Variants in NDUFS4 observed in about 807,000 individuals in gnomAD.
NDUFS4 encodes the protein NADH:ubiquinone oxidoreductase subunit S4.
In NDUFS4, 28 loss-of-function variants were observed where a neutral mutation model predicts 24.3. That is an observed-to-expected ratio of 1.15 (90% CI 0.85 to 1.58). NDUFS4 has a LOEUF of 1.58. Ranked by LOEUF, NDUFS4 falls within the 40% of genes most tolerant of loss-of-function variation. NDUFS4 has a pLI of 0.00. For synonymous variants in NDUFS4, 93 were observed against 69.7 expected (o/e 1.34, Z -1.67); for missense variants, 223 against 207.9 (o/e 1.07, Z -0.45).
intron 4 of NDUFS4, among the ~76,000 whole-genome samples, chr5:53,680,031 A>G (rs994508278): frequency 2.0e-5 from 3 of 152,208 alleles, no homozygotes; most frequent in African/African-American, 7.2e-5. Context: ...TGAAATAGAT[A>G]AAACTTGCAA....
intron 2 of NDUFS4, 74 bp from the exon 3 acceptor site, chr5:53,646,159 T>C (rs1476499787): frequency 5.6e-6 from 7 of 1,242,770 alleles, no homozygotes; most frequent in Non-Finnish European, 8.1e-6. Context: ...TGCATGAATA[T>C]AGGAAACAAC....
At chr5:53,640,177 G>A (rs944779940) in intron 2 of NDUFS4, among the ~76,000 whole-genome samples, 5 of 152,060 alleles carry the variant, frequency 3.3e-5, no homozygotes, top group African/African-American at 1.2e-4. Flanking sequence ...TTACTGAGGG[G>A]CTGAAGTGGA....
chr5:53,596,425 C>A (rs993267681), intron 1 of NDUFS4, among the ~76,000 whole-genome samples: 2 of 151,994 alleles, frequency 1.3e-5, no homozygotes, highest in Non-Finnish European at 2.9e-5. Flanking sequence ...AAAGCCATAT[C>A]CTGTGTCAAA....
chr5:53,642,283 C>T (rs1234206081), intron 2 of NDUFS4, among the ~76,000 whole-genome samples: 3 of 152,126 alleles, frequency 2.0e-5, no homozygotes, highest in Non-Finnish European at 4.4e-5. Context: ...AGCTGCACTC[C>T]TTCAGTGTTG....
intron 1 of NDUFS4, among the ~76,000 whole-genome samples, chr5:53,573,983 T>C (rs1447257787): frequency 6.6e-6 from 1 of 152,234 alleles, no homozygotes; most frequent in Non-Finnish European, 1.5e-5. Context: ...GCCACATTTA[T>C]TTGTTACATA....
intron 2 of NDUFS4, among the ~76,000 whole-genome samples, chr5:53,632,493 T>A (rs368261713): frequency 1.3e-5 from 2 of 152,308 alleles, no homozygotes; most frequent in East Asian, 3.9e-4. Context: ...TGTGCAGATT[T>A]CTGAAACTCC....
At chr5:53,659,202 G>A (rs1324293437) in intron 4 of NDUFS4, among the ~76,000 whole-genome samples, 1 of 151,958 alleles carries the variant, frequency 6.6e-6, no homozygotes, top group Non-Finnish European at 1.5e-5. Flanking sequence ...ATTTGCTTTT[G>A]GGGCAGCCAC....
rs777567835 is a variant in NDUFS4, at chr5:53,603,449, C to A, written c.99-3C>A. On this transcript the variant is annotated splice_region_variant and splice_polypyrimidine_tract_variant and intron_variant, in intron 1 of 4. Transcript: ENST00000296684. Reference sequence around the variant, plus strand: ...TTTTTTAACTTAAAGTCTTGCACTGCAGGTCGTTGAGGACTTCCACATGGA... The same window carrying A: ...TTTTTTAACTTAAAGTCTTGCACTGAAGGTCGTTGAGGACTTCCACATGGA... The A allele has an allele frequency of 1.2e-6, 2 of 1,611,562 alleles. No homozygotes were observed. Among genetic ancestry groups the A allele is most frequent in the African/African-American group, 2.7e-5 (2 of 74,636 alleles).
At chr5:53,657,924 CA>C (rs55653691) in intron 3 of NDUFS4, among the ~76,000 whole-genome samples, 12,239 of 122,922 alleles carry the variant, frequency 0.1, 487 homozygotes, top group Non-Finnish European at 0.14. Flanking sequence ...GAGTCCATCT[CA>C]AAAAAAAAAA....
At chr5:53,643,636 T>A (rs772072065) in intron 2 of NDUFS4, among the ~76,000 whole-genome samples, 1 of 152,136 alleles carries the variant, frequency 6.6e-6, no homozygotes, top group Non-Finnish European at 1.5e-5. Flanking sequence ...GATGAAATGA[T>A]AACAATAGGG....
chr5:53,658,409 T>C, intron 3 of NDUFS4, 142 bp from the exon 4 acceptor site: 5 of 633,740 alleles, frequency 7.9e-6, no homozygotes, highest in South Asian at 4.3e-5. Flanking sequence ...CAACTAACAG[T>C]TTTAAAGAAA....
Position 53,643,303 on chromosome 5 carries a change from G to A in NDUFS4, c.178-2930G>A, listed in dbSNP as rs144683677. 1.6e-3 allele frequency among the ~76,000 whole-genome samples: 250 copies of A among 152,156 alleles called. 1 individual carries two copies. The highest frequency in any genetic ancestry group is 5.5e-3 in the African/African-American group (228 of 41,528). Reference sequence around the variant, plus strand: ...GACATCTTTCTCCAAAGCATTTCTAGCTTTTCTAAATAGGTTTCAAAAACT... The same window carrying A: ...GACATCTTTCTCCAAAGCATTTCTAACTTTTCTAAATAGGTTTCAAAAACT... On this transcript the variant is annotated intron_variant, in intron 2 of 4. Transcript: ENST00000296684.
chr5:53,563,613 C>A (rs569392583), intron 1 of NDUFS4, among the ~76,000 whole-genome samples: 1 of 151,898 alleles, frequency 6.6e-6, no homozygotes, highest in Non-Finnish European at 1.5e-5. Context: ...GCGATTCTCC[C>A]GCCCCAGCCT....
intron 1 of NDUFS4, among the ~76,000 whole-genome samples, chr5:53,580,703 CTTTCCTTTCCTTTTCCT>C (rs1225385692): frequency 5.1e-5 from 7 of 138,612 alleles, no homozygotes; most frequent in South Asian, 2.4e-4. Context: ...CTTTCCTTTC[CTTTCCTTTCCTTTTCCT>C]TTTCCTTTTC....
At chr5:53,677,182 C>G (rs1298105746) in intron 4 of NDUFS4, among the ~76,000 whole-genome samples, 1 of 152,016 alleles carries the variant, frequency 6.6e-6, no homozygotes, top group African/African-American at 2.4e-5. Context: ...TGAATAGTTC[C>G]AACTACTGCT....
intron 4 of NDUFS4, among the ~76,000 whole-genome samples, chr5:53,663,920 C>G (rs989686587): frequency 5.3e-5 from 8 of 152,148 alleles, no homozygotes; most frequent in African/African-American, 1.7e-4. Context: ...GCAGTTTCTT[C>G]TTAGCCTCGA....
chr5:53,663,942 AT>A (rs1477379272), intron 4 of NDUFS4, among the ~76,000 whole-genome samples: 3 of 151,914 alleles, frequency 2.0e-5, no homozygotes, highest in African/African-American at 2.4e-5. Flanking sequence ...GGTCTTTACA[AT>A]TTATCATGTG....
At chr5:53,630,543 C>T (rs1230765815) in intron 2 of NDUFS4, among the ~76,000 whole-genome samples, 2 of 152,138 alleles carry the variant, frequency 1.3e-5, no homozygotes, top group Non-Finnish European at 2.9e-5. Context: ...GGTCTTTTCA[C>T]ATAATCGTAT....
intron 4 of NDUFS4, among the ~76,000 whole-genome samples, chr5:53,669,313 A>G (rs771657369): frequency 1.3e-5 from 2 of 152,152 alleles, no homozygotes; most frequent in African/African-American, 2.4e-5. Context: ...CTTACTACCA[A>G]AGCACTAACA....
Sources: gnomAD v4.1 joint callset for allele counts (sites outside exome capture counted in the v4.1 genomes callset) on GRCh38, gnomAD v4.1.1 for gene constraint, MANE v1.5 for transcripts, NCBI Gene and HGNC (gene_info 2026-07-23, HGNC 2026-07-21) for gene names.